The following FSTL5 variants were observed in gnomAD, a reference collection of about 807,000 sequenced individuals.
FSTL5 encodes follistatin like 5.
Under a neutral mutation model 89.1 loss-of-function variants are expected in FSTL5, and 62 were observed. That is an observed-to-expected ratio of 0.70 (90% CI 0.57 to 0.86). FSTL5 has a LOEUF of 0.86. Ranked by LOEUF, FSTL5 falls within the 40% of genes least tolerant of loss-of-function variation. The pLI is 0.00. For synonymous variants in FSTL5, 383 were observed against 346.2 expected, an observed-to-expected ratio of 1.11 and a Z score of -1.18; for missense variants, 1,057 against 1,001.6, an observed-to-expected ratio of 1.06 and a Z score of -0.75.
intron 2 of FSTL5, among the ~76,000 whole-genome samples, chr4:162,062,029 A>T (rs1299333262): frequency 6.6e-6 from 1 of 152,048 alleles, no homozygotes; most frequent in Non-Finnish European, 1.5e-5. Context: ...CTTATTCTTT[A>T]GTTTCATTAT....
intron 8 of FSTL5, among the ~76,000 whole-genome samples, chr4:161,544,453 G>C (rs1731940383): frequency 6.6e-6 from 1 of 152,092 alleles, no homozygotes; most frequent in East Asian, 1.9e-4. Context: ...ACAGAAAGCA[G>C]ACTGGTTGTT....
chr4:161,664,625 G>T (rs1229638277), intron 6 of FSTL5, among the ~76,000 whole-genome samples: 1 of 152,042 alleles, frequency 6.6e-6, no homozygotes, highest in Non-Finnish European at 1.5e-5. Flanking sequence ...ACATTTTTCT[G>T]TCTTTGTCTG....
intron 13 of FSTL5, among the ~76,000 whole-genome samples, chr4:161,474,555 T>TG (rs1359426855): frequency 1.3e-5 from 2 of 151,618 alleles, no homozygotes; most frequent in African/African-American, 2.4e-5. Context: ...GTTTTTTTTT[T>TG]TTTTGAGATG....
intron 15 of FSTL5, among the ~76,000 whole-genome samples, chr4:161,447,981 T>C (rs1051423724): frequency 1.3e-5 from 2 of 152,096 alleles, no homozygotes; most frequent in Admixed American, 1.3e-4. Context: ...GTTCTGAAAA[T>C]ACAGAGTTTG....
chr4:162,122,396 T>G (rs1052128104), intron 1 of FSTL5, among the ~76,000 whole-genome samples: 3 of 152,116 alleles, frequency 2.0e-5, no homozygotes, highest in African/African-American at 4.8e-5. Flanking sequence ...CTGTACTTGA[T>G]CTTTCCTCCC....
chr4:161,638,720 C>G (rs9715342), intron 7 of FSTL5, among the ~76,000 whole-genome samples: 21,595 of 131,660 alleles, frequency 0.16, 1,856 homozygotes, highest in Middle Eastern at 0.31. Context: ...GACCAATATC[C>G]TTGATGAACA....
At chr4:161,519,634 T>C (rs1285692733) in intron 10 of FSTL5, among the ~76,000 whole-genome samples, 1 of 152,182 alleles carries the variant, frequency 6.6e-6, no homozygotes, top group African/African-American at 2.4e-5. Flanking sequence ...AAGCTTCTAA[T>C]TATATATACA....
At position 161,599,152 on chromosome 4, in the gene FSTL5, T is replaced by C. The variant is rs529498894; in HGVS notation, c.895-11577A>G. On this transcript the variant is annotated intron_variant, in intron 7 of 15. Transcript: ENST00000306100. ...AGAAAAATGAAGATTTGAAAAGTCA[T>C]GTACTGAAAATGAAATCACAAATAT... Among the ~76,000 whole-genome samples the C allele has an allele frequency of 2.8e-4, 42 of 152,210 alleles. 1 individual carries two copies. The highest frequency in any genetic ancestry group is 1.0e-3 in the African/African-American group (42 of 41,556).
chr4:161,613,147 G>A (rs1734710877), intron 7 of FSTL5, among the ~76,000 whole-genome samples: 2 of 152,068 alleles, frequency 1.3e-5, no homozygotes, highest in Non-Finnish European at 2.9e-5. Context: ...CTCACATAAT[G>A]CTTCCAACAT....
chr4:161,502,640 T>C (rs10006398), intron 11 of FSTL5, among the ~76,000 whole-genome samples: 2,596 of 152,002 alleles, frequency 0.017, 68 homozygotes, highest in African/African-American at 0.058. Flanking sequence ...CTGCGAGTCC[T>C]CCTCATTCAT....
intron 1 of FSTL5, among the ~76,000 whole-genome samples, chr4:162,111,773 A>G (rs945852483): frequency 6.6e-6 from 1 of 152,124 alleles, no homozygotes; most frequent in Non-Finnish European, 1.5e-5. Context: ...TTATTAATAT[A>G]TAAATATTGA....
intron 15 of FSTL5, among the ~76,000 whole-genome samples, chr4:161,440,007 G>C (rs1732704941): frequency 6.6e-6 from 1 of 151,916 alleles, no homozygotes; most frequent in Admixed American, 6.6e-5. Flanking sequence ...GAAGTTGCAG[G>C]GTCTGACAGA....
intron 2 of FSTL5, among the ~76,000 whole-genome samples, chr4:162,081,831 C>A (rs1433828922): frequency 1.3e-5 from 2 of 151,160 alleles, no homozygotes; most frequent in East Asian, 3.9e-4. Context: ...CACACACACA[C>A]CTTCTTAAGC....
At chr4:161,675,009 G>A (rs1256607581) in intron 6 of FSTL5, among the ~76,000 whole-genome samples, 1 of 151,982 alleles carries the variant, frequency 6.6e-6, no homozygotes, top group Non-Finnish European at 1.5e-5. Context: ...TGAGATATCA[G>A]TTACAAAACT....
chr4:161,826,711 C>T (rs77269559), intron 4 of FSTL5, among the ~76,000 whole-genome samples: 7,142 of 152,180 alleles, frequency 0.047, 212 homozygotes, highest in Non-Finnish European at 0.07. Flanking sequence ...AATAGCAACT[C>T]CTGCTCACTT....
At chr4:161,681,455 G>T (rs1479781560) in intron 6 of FSTL5, among the ~76,000 whole-genome samples, 2 of 151,936 alleles carry the variant, frequency 1.3e-5, no homozygotes, top group Non-Finnish European at 2.9e-5. Context: ...GTCATTAGGG[G>T]TATACTAAAC....
intron 8 of FSTL5, among the ~76,000 whole-genome samples, chr4:161,553,896 G>A (rs1732298899): frequency 6.6e-6 from 1 of 151,442 alleles, no homozygotes; most frequent in Non-Finnish European, 1.5e-5. Context: ...GTTTAAAAAC[G>A]ACATCATCAT....
At chr4:161,590,764 G>A (rs1733786910) in intron 7 of FSTL5, among the ~76,000 whole-genome samples, 1 of 152,162 alleles carries the variant, frequency 6.6e-6, no homozygotes, top group African/African-American at 2.4e-5. Context: ...AGAGGATGTG[G>A]AAAGTTTGGA....
intron 12 of FSTL5, among the ~76,000 whole-genome samples, chr4:161,481,515 A>C (rs1194859531): frequency 1.3e-5 from 2 of 152,184 alleles, no homozygotes; most frequent in Non-Finnish European, 2.9e-5. Context: ...TTAACAGAAT[A>C]AATGTCACAC....
Sources: allele counts gnomAD v4.1 joint callset (sites outside exome capture counted in the v4.1 genomes callset), GRCh38; gene constraint gnomAD v4.1.1; transcripts MANE v1.5; gene names NCBI Gene and HGNC (gene_info 2026-07-23, HGNC 2026-07-21).